The following GREB1 variants were observed in gnomAD, a reference collection of about 807,000 sequenced individuals.
GREB1 encodes the protein growth regulating estrogen receptor binding 1.
GREB1 carries 106 observed loss-of-function variants against 200.7 expected under a neutral mutation model. The observed-to-expected ratio is 0.53, with a 90% confidence interval of 0.45 to 0.62. The LOEUF is 0.62. GREB1 is among the 20% of genes least tolerant of loss of function. The pLI, the probability that GREB1 is intolerant of heterozygous loss-of-function variation, is 0.00. For synonymous variants in GREB1, 1,132 were observed against 1,092.4 expected, an observed-to-expected ratio of 1.04 and a Z score of -0.72; for missense variants, 2,243 against 2,556.8, an observed-to-expected ratio of 0.88 and a Z score of 2.65.
In GREB1 at chr2:11,637,716, G is replaced by C. The variant is rs575281402; in HGVS notation, c.5347G>C (p.Val1783Leu). 3.7e-5 allele frequency: 60 copies of C among 1,612,744 alleles called. 2 individuals are homozygous for C. The South Asian group carries it at 6.4e-4, about 17-fold the overall frequency. The change falls in exon 31 of 33, where the codon GTG becomes CTG. Residue 1783 changes from valine to leucine, a missense_variant and splice_region_variant. Around this residue, in one of 3 missense-constraint regions of GREB1, gnomAD observed 478 missense variants for 616.3 expected, o/e 0.78. Coordinates refer to ENST00000381486, the MANE Select transcript of GREB1 (RefSeq NM_014668.4). ...GHRSFHITSK[V>L]SDNSAAVVPA... Reference sequence around the variant, plus strand: ...GCCTGACACCCCCCTTCCCGTGCAGGTGTCTGATAACTCTGCCGCGGTCGT... The same window carrying C: ...GCCTGACACCCCCCTTCCCGTGCAGCTGTCTGATAACTCTGCCGCGGTCGT...
intron 17 of GREB1, among the ~76,000 whole-genome samples, chr2:11,608,170 G>T (rs1463409795): frequency 1.3e-5 from 2 of 152,146 alleles, no homozygotes; most frequent in Non-Finnish European, 2.9e-5. Flanking sequence ...AAAGATCATA[G>T]CTCCCATGAG....
chr2:11,546,795 T>G (rs1296581054), intron 1 of GREB1, among the ~76,000 whole-genome samples: 1 of 152,186 alleles, frequency 6.6e-6, no homozygotes, highest in East Asian at 1.9e-4. Flanking sequence ...AGTGCTGTCC[T>G]TTAGAACTTT....
intron 1 of GREB1, among the ~76,000 whole-genome samples, chr2:11,549,056 A>G (rs956888331): frequency 1.3e-5 from 2 of 152,254 alleles, no homozygotes; most frequent in South Asian, 4.2e-4. Flanking sequence ...CTAAAATTTC[A>G]TGGATGTGCC....
chr2:11,600,290 C>G (rs917754865), intron 15 of GREB1, among the ~76,000 whole-genome samples: 7 of 152,088 alleles, frequency 4.6e-5, no homozygotes, highest in Non-Finnish European at 8.8e-5. Flanking sequence ...AATGCAAAGG[C>G]CTTTGTCCCA....
chr2:11,590,045 A>G (rs1680573958), intron 10 of GREB1, among the ~76,000 whole-genome samples: 1 of 152,176 alleles, frequency 6.6e-6, no homozygotes, highest in Non-Finnish European at 1.5e-5. Flanking sequence ...GCGGGTGGCT[A>G]CGAGGAGAGG....
rs1676971370 is a variant in GREB1 at position 11,561,053 on chromosome 2, A to G, written c.158-1410A>G. 3 of 152,230 alleles carry G rather than the reference A, an allele frequency of 2.0e-5. No homozygotes were observed. The South Asian group carries it at 6.2e-4, about 32-fold the overall frequency. The allele number at this position is 152,230 out of a possible 1,614,324, so 9.4% of individuals were successfully genotyped here. On this transcript the variant is annotated intron_variant, in intron 2 of 32. Coordinates refer to ENST00000381486, the MANE Select transcript of GREB1 (RefSeq NM_014668.4). ...GCACAGATCCTGCCTGCCGGAGCTG[A>G]GAGAATTTCATTTCCCTGTAGTGAC...
At chr2:11,624,658 G>A (rs1175264295) in intron 23 of GREB1, among the ~76,000 whole-genome samples, 2 of 152,094 alleles carry the variant, frequency 1.3e-5, no homozygotes, top group African/African-American at 4.8e-5. Flanking sequence ...ATACACAAAT[G>A]TTTCACATTG....
chr2:11,628,975 C>CGTT (rs796440548), intron 25 of GREB1, among the ~76,000 whole-genome samples: 19 of 152,328 alleles, frequency 1.2e-4, no homozygotes, highest in African/African-American at 4.6e-4. Flanking sequence ...TGCACCTGCT[C>CGTT]GTTCTGTTTT....
At chr2:11,488,357 G>T (rs528352291) in intron 1 of GREB1, among the ~76,000 whole-genome samples, 5 of 152,158 alleles carry the variant, frequency 3.3e-5, no homozygotes, top group Non-Finnish European at 7.3e-5. Flanking sequence ...TGGAAAGTGC[G>T]CATTTACTTG....
chr2:11,605,289 G>A (rs368180519), intron 17 of GREB1, among the ~76,000 whole-genome samples: 4 of 150,528 alleles, frequency 2.7e-5, no homozygotes, highest in East Asian at 2.0e-4. Context: ...GCAACGGCGC[G>A]ATCTCAGCTC....
chr2:11,483,687 G>GGT lies in GREB1; in HGVS notation c.-159+1352_-159+1353dup, dbSNP rs57352590. ...GCTGCTTCCCCGAAGTACAAGAAGG[G>GGT]GTGTGTGTGTGTGTGTGTGTGTGTG... On this transcript the variant is annotated intron_variant, in intron 1 of 2. Coordinates refer to the GREB1 transcript ENST00000628795. Among the ~76,000 whole-genome samples, 846 of 132,368 alleles carry GGT rather than the reference G, an allele frequency of 6.4e-3. 10 individuals are homozygous for GGT. The highest frequency in any genetic ancestry group is 7.8e-3 in the East Asian group (33 of 4,250). The allele number at this position is 132,368 out of a possible 152,430, so 86.8% of individuals were successfully genotyped here.
chr2:11,595,985 G>A lies in GREB1; in HGVS notation c.1826-126G>A. ...AGGCTGAGACCCCTTGACAGGACGG[G>A]CCATGTCCTCCTCTTTACCTTCATG... On this transcript the variant is annotated intron_variant, in intron 12 of 32. Coordinates refer to ENST00000381486, the MANE Select transcript of GREB1 (RefSeq NM_014668.4). 1.0e-5 allele frequency: 9 copies of A among 865,814 alleles called. No individual in the cohort carries two copies. In the South Asian group the frequency reaches 1.4e-4, roughly 13 times the overall value. The allele number at this position is 865,814 out of a possible 1,614,324, so 53.6% of individuals were successfully genotyped here.
intron 1 of GREB1, among the ~76,000 whole-genome samples, chr2:11,515,187 G>A (rs779000471): frequency 3.4e-5 from 5 of 146,486 alleles, no homozygotes; most frequent in South Asian, 2.1e-4. Context: ...CCATCCATCC[G>A]TTCATGCACG....
intron 5 of GREB1, among the ~76,000 whole-genome samples, chr2:11,577,148 T>C (rs1678947040): frequency 6.6e-6 from 1 of 151,932 alleles, no homozygotes. Flanking sequence ...CCAGATTGAG[T>C]GGTTCATCCA....
At chr2:11,486,457 A>G (rs1253580273) in intron 1 of GREB1, among the ~76,000 whole-genome samples, 2 of 152,140 alleles carry the variant, frequency 1.3e-5, no homozygotes, top group Admixed American at 6.5e-5. Flanking sequence ...GCCTAATTGT[A>G]GTACTTTAAA....
chr2:11,592,989 A>G lies in GREB1; in HGVS notation c.1559A>G (p.Glu520Gly). Residue 520 changes from glutamate to glycine, a missense_variant, in exon 11 of 33, where the codon GAG becomes GGG. Physicochemically the swap from Glu to Gly is moderately conservative, Grantham distance 98. Around this residue, in one of 3 missense-constraint regions of GREB1, gnomAD observed 1,178 missense variants for 1,387.4 expected, o/e 0.85. Transcript: ENST00000381486. Reference sequence around the variant, plus strand: ...TGCAACGACAGCGTGCACGTCATCGAGTGTGCTTACTCCCTGGCCGAGGGC... The same window carrying G: ...TGCAACGACAGCGTGCACGTCATCGGGTGTGCTTACTCCCTGGCCGAGGGC... Reference protein sequence around the residue: ...SSCNDSVHVIECAYSLAEGLS... With the variant: ...SSCNDSVHVIGCAYSLAEGLS... 6.2e-7 allele frequency: 1 copy of G among 1,609,334 alleles called. No homozygotes were observed.
At chr2:11,515,687 A>G (rs1307088529) in intron 1 of GREB1, among the ~76,000 whole-genome samples, 1 of 152,214 alleles carries the variant, frequency 6.6e-6, no homozygotes, top group Non-Finnish European at 1.5e-5. Flanking sequence ...GCTGCCTAAA[A>G]GGGCAGAGCA....
intron 1 of GREB1, among the ~76,000 whole-genome samples, chr2:11,506,873 A>G (rs4669739): frequency 0.98 from 149,332 of 152,242 alleles, 73,270 homozygotes; most frequent in South Asian, 1. Context: ...TGTACTGTGG[A>G]TATCACACTT....
intron 1 of GREB1, among the ~76,000 whole-genome samples, chr2:11,553,778 A>G (rs554197869): frequency 1.3e-5 from 2 of 152,184 alleles, no homozygotes; most frequent in Admixed American, 1.3e-4. Context: ...TCAGGCCTAC[A>G]TGTCCCTTCG....
Sources: allele counts gnomAD v4.1 joint callset (sites outside exome capture counted in the v4.1 genomes callset), GRCh38; gene constraint gnomAD v4.1.1; regional missense constraint gnomAD v4.1.1; transcripts MANE v1.5; gene names NCBI Gene and HGNC (gene_info 2026-07-23, HGNC 2026-07-21).